Variants in SELENON observed in about 807,000 individuals in gnomAD.
SELENON encodes the protein selenoprotein N, 1.
A neutral mutation model predicts 59.5 loss-of-function variants in SELENON; 44 were observed. The observed-to-expected ratio is 0.74, with a 90% CI of 0.58 to 0.95. SELENON has a LOEUF of 0.95. Ranked by LOEUF, SELENON falls within the 40% of genes least tolerant of loss-of-function variation. SELENON has a pLI of 0.00. For missense variants in SELENON, 674 were observed against 721.4 expected (o/e 0.93, Z 0.75); for synonymous variants, 320 against 305.6 (o/e 1.05, Z -0.49).
intron 3 of SELENON, among the ~76,000 whole-genome samples, chr1:25,804,494 G>A (rs1000261431): frequency 4.7e-5 from 7 of 150,406 alleles, no homozygotes; most frequent in Non-Finnish European, 8.9e-5. Flanking sequence ...TGAAATAGGC[G>A]TCATTTGTCC....
intron 12 of SELENON, among the ~76,000 whole-genome samples, chr1:25,814,967 G>A (rs2047997835): frequency 6.6e-6 from 1 of 152,180 alleles, no homozygotes; most frequent in African/African-American, 2.4e-5. Flanking sequence ...TGCTGTCCCA[G>A]GCGCAAGGGT....
At position 25,816,598 on chromosome 1, in the gene SELENON, CA is replaced by C. The variant is rs1209678852; in HGVS notation, c.*881del. The C allele has an allele frequency of 1.3e-5, 2 of 152,726 alleles. No homozygotes were observed. The allele number at this position is 152,726 out of a possible 1,614,324, so 9.5% of individuals were successfully genotyped here. On this transcript the variant is annotated 3_prime_UTR_variant, in exon 13 of 13. Transcript: ENST00000361547. The stretch of plus-strand genomic sequence containing the variant: ...CCAGAGCCGGCACTGTCCCGGCAAC[CA>C]GGGGTGCCCCAGGCTAGCTCTTCTA...
Position 25,813,880 on chromosome 1 carries a change from G to C in SELENON, c.1388-1G>C, listed in dbSNP as rs767434277. On this transcript the variant is annotated splice_acceptor_variant, in intron 10 of 12. Transcript: ENST00000361547. LOFTEE classifies it high-confidence loss of function. Reference sequence around the variant, plus strand: ...CCTCACCCTTCTGTCTTCCTGAACAGGTTCAGGGCGGACTCTCCGGGAGAC... The same window carrying C: ...CCTCACCCTTCTGTCTTCCTGAACACGTTCAGGGCGGACTCTCCGGGAGAC... 6.2e-7 allele frequency: 1 copy of C among 1,612,586 alleles called. No individual in the cohort carries two copies. Among genetic ancestry groups the C allele is most frequent in the Non-Finnish European group, 8.5e-7 (1 of 1,178,676 alleles).
intron 4 of SELENON, among the ~76,000 whole-genome samples, chr1:25,806,065 C>G (rs2047903119): frequency 6.6e-6 from 1 of 152,268 alleles, no homozygotes; most frequent in African/African-American, 2.4e-5. Context: ...AACACTGCCT[C>G]TCTGTGCCCA....
In SELENON at chr1:25,817,841, CATG is replaced by C. The variant is rs1422647895; in HGVS notation, c.*2125_*2127del. ...CCTCTGACCTCCAGACCAGATGGGG[CATG>C]AGCCAGCCAGCTCAGCCAGGCTCCC... On this transcript the variant is annotated 3_prime_UTR_variant, in exon 13 of 13. Transcript: ENST00000361547. 2 of 152,372 alleles carry C rather than the reference CATG, an allele frequency of 1.3e-5. No individual in the cohort carries two copies. The highest frequency in any genetic ancestry group is 1.3e-4 in the Admixed American group (2 of 15,294). The allele number at this position is 152,372 out of a possible 1,614,324, so 9.4% of individuals were successfully genotyped here.
At position 25,801,076 on chromosome 1, in the gene SELENON, CT is replaced by C; in HGVS notation, c.222del (p.Leu75SerfsTer25). On this transcript the variant is annotated frameshift_variant, in exon 2 of 13. Coordinates refer to ENST00000361547, the MANE Select transcript of SELENON (RefSeq NM_020451.3). LOFTEE classifies it high-confidence loss of function. The stretch of plus-strand genomic sequence containing the variant: ...GCTGAAGACCCTGGGGACAGATGGC[CT>C]TTTTCTCTTTTCCTCCTTGGACACT... The C allele has an allele frequency of 6.2e-7, 1 of 1,614,148 alleles. No individual in the cohort carries two copies. Among genetic ancestry groups the C allele is most frequent in the Non-Finnish European group, 8.5e-7 (1 of 1,180,012 alleles).
Position 25,807,081 on chromosome 1 carries a change from C to T in SELENON, c.538-1499C>T, listed in dbSNP as rs150382195. On this transcript the variant is annotated intron_variant, in intron 4 of 12. Coordinates refer to ENST00000361547, the MANE Select transcript of SELENON (RefSeq NM_020451.3). The surrounding 1 kb of genome is among the most constrained non-coding windows in gnomAD (Gnocchi z 4.5). ...TCGTGATCCACCTGCCTCGGCCTCC[C>T]GAATTATAGGCGTACAGGGATTATA... 6.1e-4 allele frequency among the ~76,000 whole-genome samples: 93 copies of T among 152,006 alleles called. No homozygotes were observed. Among genetic ancestry groups the T allele is most frequent in the African/African-American group, 1.9e-3 (78 of 41,442 alleles).
intron 4 of SELENON, 90 bp from the exon 4 acceptor site, chr1:25,808,490 G>T: frequency 6.7e-7 from 1 of 1,491,224 alleles, no homozygotes. Context: ...GGGCTGGCTC[G>T]GGGCTTGAGG....
In SELENON at chr1:25,806,844, C is replaced by T. The variant is rs551759504; in HGVS notation, c.537+1569C>T. 1.7e-4 allele frequency among the ~76,000 whole-genome samples: 21 copies of T among 123,324 alleles called. No individual in the cohort carries two copies. The South Asian group carries it at 2.3e-3, about 13-fold the overall frequency. The allele number at this position is 123,324 out of a possible 152,430, so 80.9% of individuals were successfully genotyped here. ...CTTTTTTTTTTTTTTTTTTTTGGGA[C>T]GGAGTCTCGCTCTGTCGCCCAGGCT... On this transcript the variant is annotated intron_variant, in intron 4 of 12. Coordinates refer to ENST00000361547, the MANE Select transcript of SELENON (RefSeq NM_020451.3).
intron 9 of SELENON, 130 bp downstream of exon 8, chr1:25,812,009 C>A: frequency 9.9e-7 from 1 of 1,015,090 alleles, no homozygotes; most frequent in Non-Finnish European, 1.5e-6. Context: ...CACTGTTGGG[C>A]CCAGCTGTGC....
At position 25,814,126 on chromosome 1, in the gene SELENON, A is replaced by C; in HGVS notation, c.1550A>C (p.Glu517Ala). The change falls in exon 12 of 13, where the codon GAG becomes GCG. Residue 517 changes from glutamate (E) to alanine (A), a missense_variant. Transcript: ENST00000361547. ...CAGAAGCTGGCTGGCCTGCACCTGG[A>C]GAAGTACAGCTTCCCCGTGGAGATG... 6.2e-7 allele frequency: 1 copy of C among 1,614,180 alleles called. No homozygotes were observed. Among genetic ancestry groups the C allele is most frequent in the African/African-American group, 1.3e-5 (1 of 75,052 alleles).
rs987593171 is a variant in SELENON, at chr1:25,805,018, G to A, written c.404-124G>A. 1.9e-4 allele frequency: 240 copies of A among 1,285,338 alleles called. 6 individuals carry two copies. In the Admixed American group the frequency reaches 3.8e-3, roughly 20 times the overall value. 79.6% of individuals were successfully genotyped at this position (1,285,338 alleles called of 1,614,324 possible). A position where few individuals can be genotyped will look rare whatever the true frequency, so the allele number is the denominator to read the frequency against. On this transcript the variant is annotated intron_variant, in intron 3 of 12. Transcript: ENST00000361547. ...TACACTGGTTGTTACTTTGGTGACT[G>A]TTAACACCCCAGCTACCCCCACCCC...
chr1:25,805,301 G>A, intron 4 of SELENON, 26 bp downstream of exon 3: 1 of 1,613,742 alleles, frequency 6.2e-7, no homozygotes, highest in Non-Finnish European at 8.5e-7. Flanking sequence ...CAGGCAGTGG[G>A]GTCATCTGTG....
intron 8 of SELENON, 39 bp downstream of exon 7, chr1:25,811,574 T>C (rs749751816): frequency 7.5e-6 from 12 of 1,606,694 alleles, no homozygotes; most frequent in African/African-American, 1.3e-5. Context: ...TGGGCTCGGC[T>C]GCAGGGCCCC....
At chr1:25,804,644 GCCCCCCC>G (rs1242099442) in intron 3 of SELENON, among the ~76,000 whole-genome samples, 1 of 61,282 alleles carries the variant, frequency 1.6e-5, no homozygotes, top group Non-Finnish European at 3.0e-5. Context: ...TGCCCCCCCC[GCCCCCCC>G]CCCCCCGCCG....
rs368902161 is a variant in SELENON at position 25,815,679 on chromosome 1, G to A, written c.1734G>A (p.Lys578=). Residue 578 remains lysine (K), a synonymous_variant, in exon 13 of 13, where the codon AAG becomes AAA. Transcript: ENST00000361547. Reference sequence around the variant, plus strand: ...CGGCCACCTACATGCAGTTCCTGAAGGAGGGACTCCGGCGTGGCCTGCCCC... The same window carrying A: ...CGGCCACCTACATGCAGTTCCTGAAAGAGGGACTCCGGCGTGGCCTGCCCC... 3.7e-6 allele frequency: 6 copies of A among 1,614,196 alleles called. No individual in the cohort carries two copies. Among genetic ancestry groups the A allele is most frequent in the Non-Finnish European group, 5.1e-6 (6 of 1,180,034 alleles).
chr1:25,812,710 G>T lies in SELENON; in HGVS notation c.1305G>T (p.Glu435Asp). The change falls in exon 10 of 13, where the codon GAG becomes GAT. Residue 435 changes from glutamate (E) to aspartate (D), a missense_variant. Coordinates refer to ENST00000361547, the MANE Select transcript of SELENON (RefSeq NM_020451.3). ...AGGTCTCCTACTTGCCGTTCACTGA[G>T]GCCTTCGACCGAGCCAAGGCTGAGA... is the stretch of plus-strand genomic sequence containing the variant. The T allele has an allele frequency of 6.2e-7, 1 of 1,612,546 alleles. No homozygotes were observed. Among genetic ancestry groups the T allele is most frequent in the Non-Finnish European group, 8.5e-7 (1 of 1,179,758 alleles).
chr1:25,813,701 G>T, intron 10 of SELENON, 180 bp from the exon 10 acceptor site: 2 of 658,348 alleles, frequency 3.0e-6, no homozygotes, highest in South Asian at 1.6e-5. Context: ...CAGGATGCTG[G>T]TATATTATTG....
intron 12 of SELENON, 128 bp downstream of exon 11, chr1:25,814,306 G>A: frequency 1.3e-6 from 1 of 748,886 alleles, no homozygotes; most frequent in South Asian, 1.5e-5. Flanking sequence ...TGGCTGCAAA[G>A]CCTCAAGCTG....
Sources: gnomAD v4.1 joint callset for allele counts (sites outside exome capture counted in the v4.1 genomes callset) on GRCh38, gnomAD v4.1.1 for gene constraint, Gnocchi (gnomAD v3.1) non-coding constraint, MANE v1.5 for transcripts, NCBI Gene and HGNC (gene_info 2026-07-23, HGNC 2026-07-21) for gene names.